USP43: variants seen among roughly 807,000 people sequenced by gnomAD.
USP43 encodes the protein ubiquitin specific peptidase 43, also known as ubiquitin carboxyl-terminal hydrolase 43.
In USP43, 33 loss-of-function variants were observed where a neutral mutation model predicts 90.7. The observed-to-expected ratio is 0.36, with a 90% CI of 0.28 to 0.49. The LOEUF (loss-of-function observed/expected upper bound fraction) is 0.49. Among genes scored for constraint, USP43 ranks in the 20% least tolerant of loss-of-function variants. USP43 has a pLI of 0.98. For synonymous variants in USP43, 598 were observed against 615.8 expected (o/e 0.97, Z 0.43); for missense variants, 1,274 against 1,476.4 (o/e 0.86, Z 2.25).
At chr17:9,698,554 G>A (rs8078327) in intron 9 of USP43, among the ~76,000 whole-genome samples, 51,589 of 151,848 alleles carry the variant, frequency 0.34, 10,606 homozygotes, top group East Asian at 0.69. Flanking sequence ...GAGTAGCATC[G>A]CTCCATACAC....
At chr17:9,714,734 A>G (rs1320080156) in intron 14 of USP43, among the ~76,000 whole-genome samples, 8 of 151,944 alleles carry the variant, frequency 5.3e-5, no homozygotes, top group African/African-American at 1.7e-4. Context: ...GGGGCTCTCC[A>G]ACATCTAAGG....
intron 9 of USP43, among the ~76,000 whole-genome samples, chr17:9,695,596 G>GCATGAGTGGTGGCTCA (rs1915212299): frequency 6.6e-6 from 1 of 152,122 alleles, no homozygotes. Context: ...GCCTCCCAAA[G>GCATGAGTGGTGGCTCA]TGCTGGGATT....
intron 9 of USP43, among the ~76,000 whole-genome samples, 154 bp downstream of exon 9, chr17:9,693,384 A>G (rs1417691159): frequency 1.3e-5 from 2 of 151,942 alleles, no homozygotes; most frequent in African/African-American, 4.9e-5. Context: ...GTCATTGGGC[A>G]TGTTCTGTGC....
At chr17:9,727,815 C>T in intron 14 of USP43, 139 bp from the exon 15 acceptor site, 1 of 912,866 alleles carries the variant, frequency 1.1e-6, no homozygotes, top group Non-Finnish European at 1.6e-6. Context: ...AGGCAGGAAC[C>T]CTATGTGGCT....
chr17:9,664,731 G>A lies in USP43; in HGVS notation c.637-1917G>A, dbSNP rs141185606. On this transcript the variant is annotated intron_variant, in intron 2 of 14. Coordinates refer to ENST00000285199, the MANE Select transcript of USP43 (RefSeq NM_153210.5). Reference sequence around the variant, plus strand: ...CGGCTCACTTTAAGCTCCGCCTCCCGGGGTCACGCCATTCTCCTGCCTCAG... The same window carrying A: ...CGGCTCACTTTAAGCTCCGCCTCCCAGGGTCACGCCATTCTCCTGCCTCAG... Among the ~76,000 whole-genome samples, 676 of 149,824 alleles carry A rather than the reference G, an allele frequency of 4.5e-3. 10 individuals are homozygous for A. The highest frequency in any genetic ancestry group is 0.016 in the African/African-American group (652 of 40,656).
chr17:9,711,522 A>G (rs1237794747), intron 13 of USP43, among the ~76,000 whole-genome samples: 2 of 152,032 alleles, frequency 1.3e-5, no homozygotes, highest in Non-Finnish European at 2.9e-5. Context: ...TCCGCCTCCC[A>G]GGTTCACACA....
In USP43 at chr17:9,646,052, C is replaced by T. The variant is rs1481950853; in HGVS notation, c.420C>T (p.Arg140=). ...ALGRYRAAPG[R]AEVTEQLAAL... is the part of the protein sequence containing the mutation. ...GGCGCTACCGGGCGGCTCCGGGCCG[C>T]GCCGAGGTCACCGAGCAGCTGGCGG... Residue 140 remains arginine, a synonymous_variant, in exon 1 of 15, where the codon CGC becomes CGT. Coordinates refer to ENST00000285199, the MANE Select transcript of USP43 (RefSeq NM_153210.5). The T allele has an allele frequency of 2.0e-6, 3 of 1,504,412 alleles. No individual in the cohort carries two copies. Among genetic ancestry groups the T allele is most frequent in the South Asian group, 1.3e-5 (1 of 79,928 alleles). 93.2% of individuals were successfully genotyped at this position (1,504,412 alleles called of 1,614,324 possible).
intron 2 of USP43, among the ~76,000 whole-genome samples, chr17:9,665,782 A>T (rs1383814066): frequency 4.6e-5 from 7 of 152,230 alleles, no homozygotes; most frequent in African/African-American, 1.7e-4. Context: ...AATTTGAGAC[A>T]CACACAGGAG....
Position 9,686,745 on chromosome 17 carries a change from G to C in USP43, c.1242-53G>C, listed in dbSNP as rs1282122832. ...TTAGAACAACCACTCATGACTGGTG[G>C]ATGTTGCTGGTTTTTCCTTTGCTGG... On this transcript the variant is annotated intron_variant, in intron 7 of 14. Coordinates refer to ENST00000285199, the MANE Select transcript of USP43 (RefSeq NM_153210.5). This position sits in a 1 kb window ranked among gnomAD's most constrained non-coding sequence, Gnocchi z 5.5. The C allele has an allele frequency of 1.3e-6, 2 of 1,516,452 alleles. No individual in the cohort carries two copies. The highest frequency in any genetic ancestry group is 2.7e-5 in the African/African-American group (2 of 73,086). The allele number at this position is 1,516,452 out of a possible 1,614,324, so 93.9% of individuals were successfully genotyped here.
intron 8 of USP43, among the ~76,000 whole-genome samples, chr17:9,691,206 C>T (rs2151981903): frequency 6.6e-6 from 1 of 151,894 alleles, no homozygotes; most frequent in African/African-American, 2.4e-5. Context: ...CCTCCACCTC[C>T]CAGATTCAAC....
At chr17:9,646,571 A>C (rs116108375) in intron 1 of USP43, among the ~76,000 whole-genome samples, 250 of 152,288 alleles carry the variant, frequency 1.6e-3, no homozygotes, top group African/African-American at 5.6e-3. Context: ...GGATGCAGTC[A>C]GGGCAAGCTG....
intron 2 of USP43, among the ~76,000 whole-genome samples, chr17:9,665,047 A>G (rs1048413342): frequency 9.2e-5 from 14 of 152,206 alleles, no homozygotes; most frequent in African/African-American, 3.1e-4. Flanking sequence ...AAATTTTGGC[A>G]TAACAGGGCC....
chr17:9,666,530 A>G, intron 2 of USP43, 118 bp from the exon 3 acceptor site: 1 of 778,030 alleles, frequency 1.3e-6, no homozygotes, highest in South Asian at 1.6e-5. Flanking sequence ...TTGAGACTCT[A>G]CAGAGGCCCA....
intron 12 of USP43, among the ~76,000 whole-genome samples, chr17:9,707,746 C>A (rs1009104088): frequency 2.0e-5 from 3 of 151,246 alleles, no homozygotes; most frequent in Admixed American, 6.6e-5. Context: ...TGATGACTGG[C>A]AATTTGGAAG....
rs368796291 is a variant in USP43, at chr17:9,717,703, A to G, written c.2335+5571A>G. On this transcript the variant is annotated intron_variant, in intron 14 of 14. Transcript: ENST00000285199. ...TCTCCCTGAAATGGGAGGGGGGCCT[A>G]TCCAGGGCTGGTTCCTGCCATTCAT... Among the ~76,000 whole-genome samples the G allele has an allele frequency of 1.1e-3, 168 of 152,074 alleles. 2 individuals carry two copies. The highest frequency in any genetic ancestry group is 3.9e-3 in the African/African-American group (163 of 41,472).
rs1442722276 is a variant in USP43 at position 9,712,037 on chromosome 17, G to A, written c.2240G>A (p.Gly747Glu). 1 of 1,612,856 alleles carries A rather than the reference G, an allele frequency of 6.2e-7. No homozygotes were observed. Among genetic ancestry groups the A allele is most frequent in the Non-Finnish European group, 8.5e-7 (1 of 1,179,384 alleles). Reference protein sequence around the residue: ...RLGSHAGSTRGSLLSWSSAPC... With the variant: ...RLGSHAGSTRESLLSWSSAPC... The stretch of plus-strand genomic sequence containing the variant: ...GGGAGCCACGCTGGCAGCACAAGGG[G>A]AAGCCTGCTGTCCTGGAGCTCTGCC... Residue 747 changes from glycine (G) to glutamate (E), a missense_variant, in exon 14 of 15, where the codon GGA becomes GAA. Physicochemically the swap from Gly to Glu is moderately conservative, Grantham distance 98 (BLOSUM62 -2). Around this residue, in one of 6 missense-constraint regions of USP43, gnomAD observed 285 missense variants for 349.6 expected, o/e 0.82. Coordinates refer to ENST00000285199, the MANE Select transcript of USP43 (RefSeq NM_153210.5).
At chr17:9,711,677 C>T (rs551297314) in intron 13 of USP43, among the ~76,000 whole-genome samples, 23 of 152,288 alleles carry the variant, frequency 1.5e-4, no homozygotes, top group Admixed American at 1.1e-3. Flanking sequence ...GTGATCTGCT[C>T]GCCTCGGCCT....
chr17:9,727,644 T>C (rs1917341612), intron 14 of USP43, among the ~76,000 whole-genome samples: 1 of 152,206 alleles, frequency 6.6e-6, no homozygotes, highest in African/African-American at 2.4e-5. Flanking sequence ...TAGATGAAAC[T>C]GATGTTCATT....
At chr17:9,652,003 A>G (rs1911892954) in intron 1 of USP43, among the ~76,000 whole-genome samples, 1 of 152,186 alleles carries the variant, frequency 6.6e-6, no homozygotes, top group South Asian at 2.1e-4. Flanking sequence ...ACTAGGAATA[A>G]TTTTAATAAG....
Sources: allele counts gnomAD v4.1 joint callset (sites outside exome capture counted in the v4.1 genomes callset), GRCh38; gene constraint gnomAD v4.1.1; regional missense constraint gnomAD v4.1.1; non-coding constraint Gnocchi (gnomAD v3.1); transcripts MANE v1.5; gene names NCBI Gene and HGNC (gene_info 2026-07-23, HGNC 2026-07-21).